The following DARS2 variants were observed in gnomAD, a reference collection of about 807,000 sequenced individuals.
DARS2 encodes the protein aspartate--tRNA ligase, mitochondrial.
DARS2 carries 63 observed loss-of-function variants against 83.0 expected under a neutral mutation model. The observed-to-expected ratio is 0.76, with a 90% confidence interval of 0.62 to 0.94. DARS2 has a LOEUF of 0.94. DARS2 is among the 40% of genes least tolerant of loss of function. The probability of loss-of-function intolerance (pLI) is 0.00; values close to 1 mark genes in which losing one functional copy is unlikely to be tolerated. For missense variants in DARS2, 675 were observed against 774.4 expected (o/e 0.87, Z 1.52); for synonymous variants, 250 against 269.3 (o/e 0.93, Z 0.70).
At chr1:173,847,381 G>A (rs1277128768) in intron 12 of DARS2, among the ~76,000 whole-genome samples, 1 of 152,066 alleles carries the variant, frequency 6.6e-6, no homozygotes, top group African/African-American at 2.4e-5. Context: ...AAATAAGCCT[G>A]AAGGTTAACT....
intron 6 of DARS2, 110 bp downstream of exon 6, chr1:173,833,609 TC>T: frequency 7.4e-7 from 1 of 1,344,428 alleles, no homozygotes; most frequent in Non-Finnish European, 1.1e-6. Context: ...TTGCCAGAAG[TC>T]TGGAATTCAC....
At chr1:173,837,174 T>C in intron 8 of DARS2, 128 bp downstream of exon 8, 1 of 842,680 alleles carries the variant, frequency 1.2e-6, no homozygotes, top group East Asian at 2.6e-5. Flanking sequence ...GGAGAATACT[T>C]ATAAAATGCC....
intron 12 of DARS2, among the ~76,000 whole-genome samples, chr1:173,847,146 G>C (rs2102655879): frequency 6.6e-6 from 1 of 152,204 alleles, no homozygotes; most frequent in African/African-American, 2.4e-5. Flanking sequence ...CCCAAAATGG[G>C]TTGAGACAAA....
intron 7 of DARS2, among the ~76,000 whole-genome samples, chr1:173,835,581 A>G (rs771470092): frequency 6.6e-6 from 1 of 151,824 alleles, no homozygotes; most frequent in Non-Finnish European, 1.5e-5. Flanking sequence ...AAAAAAAATT[A>G]TTTTAAAGAA....
rs765213216 is a variant in DARS2, at chr1:173,825,267, G to T, written c.38G>T (p.Gly13Val). 3 of 1,613,350 alleles carry T rather than the reference G, an allele frequency of 1.9e-6. No homozygotes were observed. Among genetic ancestry groups the T allele is most frequent in the African/African-American group, 2.7e-5 (2 of 74,848 alleles). ...FPSWLSQLYR[G>V]LSRPIRRTTQ... ...TCTTGGTTAAGTCAGCTGTACAGGG[G>T]TTTATCCAGACCCATCAGAAGGACC... Residue 13 changes from glycine (G) to valine (V), a missense_variant, in exon 1 of 17, where the codon GGT (glycine) becomes GTT (valine). Physicochemically the swap from Gly to Val is moderately radical, Grantham distance 109 (BLOSUM62 -3). Coordinates refer to ENST00000649689, the MANE Select transcript of DARS2 (RefSeq NM_018122.5).
At chr1:173,829,898 A>T (rs1025842505) in intron 3 of DARS2, among the ~76,000 whole-genome samples, 3 of 151,640 alleles carry the variant, frequency 2.0e-5, no homozygotes, top group Non-Finnish European at 4.4e-5. Flanking sequence ...ACAGAGCAAG[A>T]CTCTATCTCA....
intron 3 of DARS2, 54 bp from the exon 4 acceptor site, chr1:173,830,606 A>G (rs1354946585): frequency 7.2e-7 from 1 of 1,397,712 alleles, no homozygotes; most frequent in African/African-American, 1.4e-5. Context: ...TAATTACTGA[A>G]GATTCCTGTA....
chr1:173,826,441 T>A (rs1652568166), intron 1 of DARS2, among the ~76,000 whole-genome samples: 1 of 152,118 alleles, frequency 6.6e-6, no homozygotes, highest in Non-Finnish European at 1.5e-5. Flanking sequence ...ATCAAAAAAA[T>A]TTTGATTTCC....
intron 9 of DARS2, among the ~76,000 whole-genome samples, chr1:173,838,466 G>A (rs559238232): frequency 6.7e-6 from 1 of 149,804 alleles, no homozygotes; most frequent in South Asian, 2.1e-4. Flanking sequence ...TTCTTTCCTT[G>A]GATAGCACAG....
Position 173,853,779 on chromosome 1 carries a change from T to C in DARS2, c.1564-16T>C. The C allele has an allele frequency of 6.2e-7, 1 of 1,605,152 alleles. No homozygotes were observed. Among genetic ancestry groups the C allele is most frequent in the South Asian group, 1.1e-5 (1 of 90,876 alleles). On this transcript the variant is annotated splice_polypyrimidine_tract_variant and intron_variant, in intron 14 of 16. Coordinates refer to ENST00000649689, the MANE Select transcript of DARS2 (RefSeq NM_018122.5). ...CAGACATTTTCTCTAACATAAAGTA[T>C]CTGTGAATCTTCTAGGCCCGTAGCC...
rs865976169 is a variant in DARS2, at chr1:173,850,610, T to C, written c.1344+131T>C. On this transcript the variant is annotated intron_variant, in intron 13 of 16. Coordinates refer to ENST00000649689, the MANE Select transcript of DARS2 (RefSeq NM_018122.5). Reference sequence around the variant, plus strand: ...TGGAGCTGCTCTGCATAAATCTTTTTTTTTTTTTTTTAAGAGACGGAGTTT... The same window carrying C: ...TGGAGCTGCTCTGCATAAATCTTTTCTTTTTTTTTTTAAGAGACGGAGTTT... 1.9e-4 allele frequency: 201 copies of C among 1,080,790 alleles called. 2 individuals carry two copies. In the Middle Eastern group the frequency reaches 4.0e-3, roughly 22 times the overall value. The allele number at this position is 1,080,790 out of a possible 1,614,324, so 67.0% of individuals were successfully genotyped here.
intron 15 of DARS2, among the ~76,000 whole-genome samples, chr1:173,855,832 T>G (rs56124923): frequency 0.086 from 12,791 of 148,584 alleles, 1,764 homozygotes; most frequent in African/African-American, 0.3. Context: ...TTTTTTTTTT[T>G]GTATTTTTAG....
intron 7 of DARS2, 72 bp downstream of exon 7, chr1:173,834,591 T>C: frequency 8.3e-7 from 1 of 1,208,556 alleles, no homozygotes; most frequent in Non-Finnish European, 1.2e-6. Flanking sequence ...TTTGCTTTTA[T>C]ATTCACTTGG....
In DARS2 at chr1:173,828,176, C is replaced by T. The variant is rs560034519; in HGVS notation, c.228-157C>T. 6.6e-5 allele frequency among the ~76,000 whole-genome samples: 10 copies of T among 151,936 alleles called. No individual in the cohort carries two copies. In the East Asian group the frequency reaches 1.7e-3, roughly 26 times the overall value. ...TGCATGAATGTAACTAATGAAGGTACATAATTATCATAAAAAACATGAAAA... is the reference window on the plus strand; with the variant it reads ...TGCATGAATGTAACTAATGAAGGTATATAATTATCATAAAAAACATGAAAA... On this transcript the variant is annotated intron_variant, in intron 2 of 16. Coordinates refer to ENST00000649689, the MANE Select transcript of DARS2 (RefSeq NM_018122.5).
rs140219997 is a variant in DARS2, at chr1:173,825,274, C to T, written c.45C>T (p.Ser15=). ...SWLSQLYRGL[S]RPIRRTTQPI... is the part of the protein sequence containing the mutation. ...TAAGTCAGCTGTACAGGGGTTTATC[C>T]AGACCCATCAGAAGGACCACCCAAC... is the stretch of plus-strand genomic sequence containing the variant. The change falls in exon 1 of 17, where the codon TCC becomes TCT. Residue 15 remains serine, a synonymous_variant. Transcript: ENST00000649689. 6.8e-6 allele frequency: 11 copies of T among 1,613,566 alleles called. No individual in the cohort carries two copies. In the African/African-American group the frequency reaches 1.3e-4, roughly 20 times the overall value.
chr1:173,825,371 G>A lies in DARS2; in HGVS notation c.127+15G>A. ...GAGAATTCCAGGTGAAAATAGCGAA[G>A]AGATCTATCCTATGAACAGTACTTC... is the stretch of plus-strand genomic sequence containing the variant. On this transcript the variant is annotated intron_variant, in intron 1 of 16. Transcript: ENST00000649689. 1 of 1,611,288 alleles carries A rather than the reference G, an allele frequency of 6.2e-7. No individual in the cohort carries two copies. The highest frequency in any genetic ancestry group is 8.5e-7 in the Non-Finnish European group (1 of 1,178,288).
chr1:173,826,661 GTTTCT>G (rs1333517369), intron 1 of DARS2, 21 bp from the exon 2 acceptor site: 1 of 1,328,990 alleles, frequency 7.5e-7, no homozygotes, highest in Non-Finnish European at 1.0e-6. Flanking sequence ...GCCTTTTAAA[GTTTCT>G]TTTTTTTTTT....
Position 173,850,309 on chromosome 1 carries a change from T to C in DARS2, c.1192-18T>C. ...AAAAAAAAAAAAAAACGTGAATAAG[T>C]CTTTTTCTTTTACACAGGAAATCTT... On this transcript the variant is annotated intron_variant, in intron 12 of 16. Coordinates refer to ENST00000649689, the MANE Select transcript of DARS2 (RefSeq NM_018122.5). The C allele has an allele frequency of 1.3e-6, 2 of 1,582,812 alleles. No individual in the cohort carries two copies. Among genetic ancestry groups the C allele is most frequent in the East Asian group, 4.5e-5 (2 of 44,344 alleles).
intron 12 of DARS2, 87 bp from the exon 13 acceptor site, chr1:173,850,240 C>A: frequency 7.2e-7 from 1 of 1,390,876 alleles, no homozygotes; most frequent in Non-Finnish European, 9.6e-7. Flanking sequence ...TATTGGGAAC[C>A]GGAAATCTTT....
Sources: gnomAD v4.1 joint callset for allele counts (sites outside exome capture counted in the v4.1 genomes callset) on GRCh38, gnomAD v4.1.1 for gene constraint, MANE v1.5 for transcripts, NCBI Gene and HGNC (gene_info 2026-07-23, HGNC 2026-07-21) for gene names.